KIFC3: variants seen among roughly 807,000 people sequenced by gnomAD.
KIFC3 encodes the protein kinesin-like protein KIFC3.
In KIFC3, 60 loss-of-function variants were observed where a neutral mutation model predicts 101.8. The ratio of observed to expected loss-of-function variants is 0.59; its 90% CI spans 0.48 to 0.73. The LOEUF (loss-of-function observed/expected upper bound fraction) is 0.73. Ranked by LOEUF, KIFC3 falls within the 30% of genes least tolerant of loss-of-function variation. The probability of loss-of-function intolerance (pLI) is 0.00; values close to 1 mark genes in which losing one functional copy is unlikely to be tolerated. For synonymous variants in KIFC3, 476 were observed against 482.7 expected (o/e 0.99, Z 0.18); for missense variants, 966 against 1,137.1 (o/e 0.85, Z 2.16).
chr16:57,857,826 T>TTTTC (rs1567347297), intron 1 of KIFC3, among the ~76,000 whole-genome samples: 1 of 56,082 alleles, frequency 1.8e-5, no homozygotes, highest in African/African-American at 9.1e-5. Flanking sequence ...TTCTTTCTTT[T>TTTTC]TTTTTTTTTT....
In KIFC3 at chr16:57,770,802, C is replaced by T. The variant is rs2051070903; in HGVS notation, c.766-102G>A. ...CAGGGGAAGGAACTCTCGGGAACATCCCACTCAGAAACCAGAAAAAAACTA... is the reference window on the plus strand; with the variant it reads ...CAGGGGAAGGAACTCTCGGGAACATTCCACTCAGAAACCAGAAAAAAACTA... On this transcript the variant is annotated intron_variant, in intron 6 of 19. Coordinates refer to ENST00000445690, the MANE Select transcript of KIFC3 (RefSeq NM_001130100.2). 6.6e-6 allele frequency: 7 copies of T among 1,067,514 alleles called. No homozygotes were observed. The South Asian group carries it at 1.4e-4, about 22-fold the overall frequency. 66.1% of individuals were successfully genotyped at this position (1,067,514 alleles called of 1,614,324 possible).
intron 1 of KIFC3, chr16:57,830,780 T>C (rs2055565640): frequency 6.6e-6 from 1 of 152,230 alleles, no homozygotes; most frequent in Non-Finnish European, 1.5e-5. Context: ...TATTTATTCA[T>C]TGGTTTGAGA....
chr16:57,811,594 A>C (rs1266957726), intron 1 of KIFC3, among the ~76,000 whole-genome samples: 3 of 151,988 alleles, frequency 2.0e-5, no homozygotes, highest in Non-Finnish European at 4.4e-5. Context: ...TATGGAGTGC[A>C]TACCTATGGT....
chr16:57,798,442 C>A, intron 1 of KIFC3, 160 bp from the exon 2 acceptor site: 1 of 666,578 alleles, frequency 1.5e-6, no homozygotes, highest in Non-Finnish European at 2.6e-6. Context: ...CTAGGGCTCG[C>A]AGGATGAAAT....
Position 57,830,238 on chromosome 16 carries a change from T to TTC in KIFC3, c.109-31957_109-31956insGA, listed in dbSNP as rs1288308218. Among the ~76,000 whole-genome samples, 9 of 135,874 alleles carry TTC rather than the reference T, an allele frequency of 6.6e-5. 1 individual carries two copies. Among genetic ancestry groups the TTC allele is most frequent in the African/African-American group, 2.6e-4 (9 of 34,170 alleles). The allele number at this position is 135,874 out of a possible 152,430, so 89.1% of individuals were successfully genotyped here. ...CTGTTTTCCTTTCTTTTTTCTTTCT[T>TTC]TTTTTTTTTTTTTTTTTGAGATGGA... On this transcript the variant is annotated intron_variant, in intron 1 of 2. Coordinates refer to the KIFC3 transcript ENST00000563028.
upstream of KIFC3, among the ~76,000 whole-genome samples, chr16:57,806,327 T>TCCA (rs2054935683): frequency 6.6e-6 from 1 of 152,122 alleles, no homozygotes; most frequent in Non-Finnish European, 1.5e-5. Context: ...CTCATCTGCC[T>TCCA]CCACTAACCC....
Position 57,760,901 on chromosome 16 carries a change from G to A in KIFC3, c.2057C>T (p.Ala686Val), listed in dbSNP as rs1555596182. 1 of 1,609,578 alleles carries A rather than the reference G, an allele frequency of 6.2e-7. No homozygotes were observed. Among genetic ancestry groups the A allele is most frequent in the Non-Finnish European group, 8.5e-7 (1 of 1,179,474 alleles). ...CGCCTCCCGCAGGCGGCTGCCCTCG[G>A]CCCCCGACTTGCCCACGCGCTCCGA... is the stretch of plus-strand genomic sequence containing the variant. ...AGSERVGKSG[A>V]EGSRLREAQH... is the part of the protein sequence containing the mutation. Residue 686 changes from alanine to valine, a missense_variant, in exon 16 of 20, where the codon GCC (alanine) becomes GTC (valine). Physicochemically the swap from Ala to Val is moderately conservative, Grantham distance 64 (BLOSUM62 0). Coordinates refer to ENST00000445690, the MANE Select transcript of KIFC3 (RefSeq NM_001130100.2).
chr16:57,773,255 G>C (rs1252265105), intron 3 of KIFC3, among the ~76,000 whole-genome samples: 4 of 152,196 alleles, frequency 2.6e-5, no homozygotes, highest in African/African-American at 9.7e-5. Context: ...TTACACAGCT[G>C]GGTTCTCATT....
rs530850361 is a variant in KIFC3, at chr16:57,785,563, G to A, written c.315+9436C>T. The A allele has an allele frequency of 5.0e-5, 64 of 1,288,246 alleles. No homozygotes were observed. In the East Asian group the frequency reaches 1.2e-3, roughly 24 times the overall value. The allele number at this position is 1,288,246 out of a possible 1,614,324, so 79.8% of individuals were successfully genotyped here. A position where few individuals can be genotyped will look rare whatever the true frequency, so the allele number is the denominator to read the frequency against. On this transcript the variant is annotated intron_variant, in intron 3 of 19. Coordinates refer to ENST00000445690, the MANE Select transcript of KIFC3 (RefSeq NM_001130100.2). ...GCTCCTCCTGTAGCTGGGTCTTCTCGTCCTGGAGCTGGGACATGGCCTCCA... is the reference window on the plus strand; with the variant it reads ...GCTCCTCCTGTAGCTGGGTCTTCTCATCCTGGAGCTGGGACATGGCCTCCA...
intron 1 of KIFC3, among the ~76,000 whole-genome samples, chr16:57,858,850 T>C (rs1369216884): frequency 6.6e-6 from 1 of 152,120 alleles, no homozygotes; most frequent in African/African-American, 2.4e-5. Context: ...CTCCGGAGGC[T>C]GAGGCACGAG....
rs1555603572 is a variant in KIFC3 at position 57,766,964 on chromosome 16, C to T, written c.1240G>A (p.Val414Ile). ...KAEIGQAIEE[V>I]NSNNQELLRK... ...AGCAGCTCCTGGTTGTTGCTGTTGA[C>T]CTCCTCGATGGCCTGGCCTATCTGG... The change falls in exon 10 of 20, where the codon GTC becomes ATC. Residue 414 changes from valine (V) to isoleucine (I), a missense_variant. Physicochemically the swap from Val to Ile is conservative, Grantham distance 29. This residue lies in a region of KIFC3 where 689 missense variants were observed against 884.6 expected (regional missense o/e 0.78). Transcript: ENST00000445690. The T allele has an allele frequency of 6.2e-7, 1 of 1,613,138 alleles. No individual in the cohort carries two copies. The highest frequency in any genetic ancestry group is 8.5e-7 in the Non-Finnish European group (1 of 1,179,992).
chr16:57,795,613 A>G lies in KIFC3; in HGVS notation c.173-472T>C, dbSNP rs2054226541. Among the ~76,000 whole-genome samples, 4 of 152,282 alleles carry G rather than the reference A, an allele frequency of 2.6e-5. No individual in the cohort carries two copies. The South Asian group carries it at 8.3e-4, about 32-fold the overall frequency. The stretch of plus-strand genomic sequence containing the variant: ...GTGGCCCAGCCTCCGTTGCCTCCCC[A>G]AGCGTATTCAGAACCAGCTAACGTG... On this transcript the variant is annotated intron_variant, in intron 2 of 19. Coordinates refer to ENST00000445690, the MANE Select transcript of KIFC3 (RefSeq NM_001130100.2).
chr16:57,850,211 T>C (rs1463614531), intron 1 of KIFC3, among the ~76,000 whole-genome samples: 1 of 151,842 alleles, frequency 6.6e-6, no homozygotes, highest in Non-Finnish European at 1.5e-5. Flanking sequence ...ACCACCAGCC[T>C]GGGCAACATA....
chr16:57,763,055 C>T (rs529610307), intron 12 of KIFC3, among the ~76,000 whole-genome samples: 142 of 152,212 alleles, frequency 9.3e-4, no homozygotes, highest in African/African-American at 3.1e-3. Flanking sequence ...TAGTCAGTTC[C>T]GCATTCCTGG....
rs782250170 is a variant in KIFC3, at chr16:57,769,492, G to A, written c.1218+103C>T. 8.3e-6 allele frequency: 12 copies of A among 1,438,170 alleles called. No homozygotes were observed. Among genetic ancestry groups the A allele is most frequent in the African/African-American group, 4.2e-5 (3 of 71,312 alleles). The allele number at this position is 1,438,170 out of a possible 1,614,324, so 89.1% of individuals were successfully genotyped here. A position where few individuals can be genotyped will look rare whatever the true frequency, so the allele number is the denominator to read the frequency against. On this transcript the variant is annotated intron_variant, in intron 9 of 19. Transcript: ENST00000445690. The surrounding 1 kb of genome is among the most constrained non-coding windows in gnomAD (Gnocchi z 4.3). ...GGGGGTGGGGCAGGGGCTGCTGTCTGAGCGGCTTTGTCTGAGCTTTGGAGG... is the reference window on the plus strand; with the variant it reads ...GGGGGTGGGGCAGGGGCTGCTGTCTAAGCGGCTTTGTCTGAGCTTTGGAGG...
intron 1 of KIFC3, among the ~76,000 whole-genome samples, chr16:57,798,825 C>G (rs1161610712): frequency 2.0e-5 from 3 of 152,176 alleles, no homozygotes; most frequent in Non-Finnish European, 4.4e-5. Context: ...AGTCTATATA[C>G]AGTAAGTTCT....
intron 1 of KIFC3, among the ~76,000 whole-genome samples, chr16:57,815,892 G>A (rs935644799): frequency 5.3e-5 from 8 of 152,218 alleles, no homozygotes; most frequent in African/African-American, 1.9e-4. Context: ...TTAAGTCTGT[G>A]CCCTGTGGCG....
intron 1 of KIFC3, chr16:57,813,690 G>T: frequency 1.0e-6 from 1 of 985,228 alleles, no homozygotes; most frequent in Non-Finnish European, 1.2e-6. Flanking sequence ...TCCTGCGTGT[G>T]TCCAGCACCT....
At chr16:57,770,838 G>A in intron 6 of KIFC3, 138 bp from the exon 7 acceptor site, 1 of 766,942 alleles carries the variant, frequency 1.3e-6, no homozygotes, top group East Asian at 2.9e-5. Flanking sequence ...GAGGAGCCTT[G>A]AGGTCCTGGC....
Sources: allele counts gnomAD v4.1 joint callset (sites outside exome capture counted in the v4.1 genomes callset), GRCh38; gene constraint gnomAD v4.1.1; regional missense constraint gnomAD v4.1.1; non-coding constraint Gnocchi (gnomAD v3.1); transcripts MANE v1.5; gene names NCBI Gene and HGNC (gene_info 2026-07-23, HGNC 2026-07-21).